Variants in AKAP13 observed in about 807,000 individuals in gnomAD.
AKAP13 encodes the protein A-kinase anchor protein 13.
AKAP13 carries 80 observed loss-of-function variants against 264.5 expected under a neutral mutation model. The ratio of observed to expected loss-of-function variants is 0.30; its 90% CI spans 0.25 to 0.36. The LOEUF (loss-of-function observed/expected upper bound fraction) is 0.36. Among genes scored for constraint, AKAP13 ranks in the 10% least tolerant of loss-of-function variants. The probability of loss-of-function intolerance (pLI) is 1.00; values close to 1 mark genes in which losing one functional copy is unlikely to be tolerated. For synonymous variants in AKAP13, 1,380 were observed against 1,250.2 expected (o/e 1.10, Z -2.19); for missense variants, 3,712 against 3,435.2 (o/e 1.08, Z -2.01).
rs372801128 is a variant in AKAP13, at chr15:85,641,185, G to A, written c.4237+1736G>A. 2.0e-4 allele frequency among the ~76,000 whole-genome samples: 31 copies of A among 152,002 alleles called. No individual in the cohort carries two copies. The East Asian group carries it at 4.9e-3, about 24-fold the overall frequency. ...CTTTTGGCCGGGCGAGGTGGCTCAC[G>A]CCTGTAATCCCAACACTTGGGGAGG... On this transcript the variant is annotated intron_variant, in intron 9 of 36. Coordinates refer to ENST00000394518, the MANE Select transcript of AKAP13 (RefSeq NM_007200.5).
intron 1 of AKAP13, among the ~76,000 whole-genome samples, chr15:85,404,570 A>G (rs1394190445): frequency 6.6e-6 from 1 of 152,212 alleles, no homozygotes; most frequent in Non-Finnish European, 1.5e-5. Flanking sequence ...TTTTCAAGCT[A>G]AGTCTTGAAG....
At chr15:85,639,856 A>G (rs534287404) in intron 9 of AKAP13, among the ~76,000 whole-genome samples, 46 of 152,182 alleles carry the variant, frequency 3.0e-4, no homozygotes, top group Non-Finnish European at 5.9e-4. Context: ...AGATATTCTG[A>G]TTTAATTGGG....
intron 3 of AKAP13, 80 bp downstream of exon 3, chr15:85,521,655 C>G: frequency 1.4e-6 from 2 of 1,478,360 alleles, no homozygotes; most frequent in Non-Finnish European, 1.8e-6. Flanking sequence ...TATAGAGTGA[C>G]AGGAAGAGTG....
chr15:85,465,660 T>C (rs941400455), intron 1 of AKAP13, among the ~76,000 whole-genome samples: 1 of 151,840 alleles, frequency 6.6e-6, no homozygotes, highest in African/African-American at 2.4e-5. Context: ...ATTTCATCCA[T>C]GTCCCTACAA....
In AKAP13 at chr15:85,445,164, C is replaced by T. The variant is rs535728707; in HGVS notation, c.-11-40546C>T. Among the ~76,000 whole-genome samples the T allele has an allele frequency of 6.0e-4, 91 of 152,212 alleles. 1 individual carries two copies. The highest frequency in any genetic ancestry group is 2.1e-3 in the African/African-American group (86 of 41,530). ...AAAACAGTTCTTTGGAATGAATGTC[C>T]TTATCTGTGTTTAAAAGATGCTGGA... On this transcript the variant is annotated intron_variant, in intron 1 of 36. Transcript: ENST00000394518.
intron 8 of AKAP13, among the ~76,000 whole-genome samples, chr15:85,587,486 CTGT>C (rs2079408137): frequency 6.6e-6 from 1 of 152,100 alleles, no homozygotes; most frequent in Admixed American, 6.5e-5. Context: ...GTGAATAATG[CTGT>C]TATGTACATT....
At chr15:85,677,626 C>T (rs2084305454) in intron 14 of AKAP13, among the ~76,000 whole-genome samples, 1 of 147,982 alleles carries the variant, frequency 6.8e-6, no homozygotes, top group Non-Finnish European at 1.5e-5. Flanking sequence ...GAGTTATATA[C>T]GTTTTGTGAG....
chr15:85,636,086 TCAA>T (rs929301998), intron 8 of AKAP13, among the ~76,000 whole-genome samples: 2 of 152,230 alleles, frequency 1.3e-5, no homozygotes, highest in Non-Finnish European at 2.9e-5. Flanking sequence ...TTAATTTTTC[TCAA>T]CAATGTTTTA....
chr15:85,429,492 C>A (rs548541972), intron 1 of AKAP13, among the ~76,000 whole-genome samples: 1 of 152,284 alleles, frequency 6.6e-6, no homozygotes, highest in African/African-American at 2.4e-5. Flanking sequence ...TCTTTGTTGA[C>A]ATGATTTGGT....
chr15:85,587,808 G>A (rs987332651), intron 8 of AKAP13, among the ~76,000 whole-genome samples: 4 of 151,952 alleles, frequency 2.6e-5, no homozygotes, highest in South Asian at 4.2e-4. Context: ...CACCACGCCC[G>A]GCTACTTTTT....
intron 9 of AKAP13, among the ~76,000 whole-genome samples, chr15:85,642,725 G>A (rs2082366682): frequency 6.6e-6 from 1 of 152,114 alleles, no homozygotes; most frequent in Non-Finnish European, 1.5e-5. Context: ...TTTATTTTCT[G>A]GGTGAGGTAT....
At chr15:85,701,728 C>T (rs1379282364) in intron 17 of AKAP13, among the ~76,000 whole-genome samples, 1 of 150,726 alleles carries the variant, frequency 6.6e-6, no homozygotes, top group Non-Finnish European at 1.5e-5. Flanking sequence ...CAGGCGTGAG[C>T]CACCATGCCT....
chr15:85,582,255 C>A, intron 7 of AKAP13, 148 bp downstream of exon 7: 1 of 868,722 alleles, frequency 1.2e-6, no homozygotes, highest in Non-Finnish European at 1.7e-6. Flanking sequence ...TCACCACCAT[C>A]AGGAGGGGCA....
At chr15:85,585,258 C>T (rs2079292803) in intron 7 of AKAP13, among the ~76,000 whole-genome samples, 1 of 152,154 alleles carries the variant, frequency 6.6e-6, no homozygotes, top group Admixed American at 6.5e-5. Flanking sequence ...GTCCCAGAGG[C>T]TTTTTCTCAT....
intron 1 of AKAP13, among the ~76,000 whole-genome samples, chr15:85,417,057 G>A (rs1019947257): frequency 6.6e-6 from 1 of 152,156 alleles, no homozygotes; most frequent in Non-Finnish European, 1.5e-5. Flanking sequence ...GAAAATTAAT[G>A]CTTAACTTGA....
chr15:85,729,660 G>C (rs2087849099), intron 29 of AKAP13, among the ~76,000 whole-genome samples: 2 of 152,194 alleles, frequency 1.3e-5, no homozygotes, highest in African/African-American at 4.8e-5. Flanking sequence ...GCTCAGGCCA[G>C]GTGCGGTGGC....
intron 31 of AKAP13, 141 bp downstream of exon 31, chr15:85,735,291 G>C (rs1423280619): frequency 2.5e-6 from 3 of 1,199,448 alleles, no homozygotes; most frequent in South Asian, 3.1e-5. Context: ...TCAAGAGCTT[G>C]TCAGTCAGAC....
At chr15:85,712,772 G>T (rs1219865544) in intron 19 of AKAP13, among the ~76,000 whole-genome samples, 1 of 152,182 alleles carries the variant, frequency 6.6e-6, no homozygotes, top group Non-Finnish European at 1.5e-5. Flanking sequence ...TCGAATTTTT[G>T]ACCTCAAGGC....
intron 9 of AKAP13, among the ~76,000 whole-genome samples, chr15:85,641,571 C>T (rs946753618): frequency 1.3e-5 from 2 of 151,608 alleles, no homozygotes; most frequent in African/African-American, 2.4e-5. Context: ...CTGCAAGCTC[C>T]GCCTCCCAGG....
Sources: allele counts gnomAD v4.1 joint callset (sites outside exome capture counted in the v4.1 genomes callset), GRCh38; gene constraint gnomAD v4.1.1; transcripts MANE v1.5; gene names NCBI Gene and HGNC (gene_info 2026-07-23, HGNC 2026-07-21).